Variants in DMD observed in about 807,000 individuals in gnomAD.
DMD encodes dystrophin.
A neutral mutation model predicts 330.1 loss-of-function variants in DMD; 63 were observed. The observed-to-expected ratio is 0.19, with a 90% CI of 0.16 to 0.24. DMD has a LOEUF of 0.24. DMD is among the 10% of genes least tolerant of loss of function. The pLI is 1.00. For synonymous variants in DMD, 1,223 were observed against 959.8 expected (o/e 1.27, Z -5.07); for missense variants, 3,344 against 2,684.1 (o/e 1.25, Z -5.43).
intron 44 of DMD, among the ~76,000 whole-genome samples, chrX:32,105,921 T>G (rs865790942): frequency 8.9e-5 from 10 of 111,908 alleles, no homozygotes; most frequent in Middle Eastern, 4.6e-3. Context: ...AAAGTGAAAG[T>G]TCTGCGGCAA....
intron 2 of DMD, among the ~76,000 whole-genome samples, chrX:33,010,341 T>TATATGTGTATAAATATGTATATATGTAC (rs1286442771): frequency 2.0e-5 from 2 of 99,466 alleles, no homozygotes; most frequent in Non-Finnish European, 4.0e-5. Flanking sequence ...TATATGTACA[T>TATATGTGTATAAATATGTATATATGTAC]ATATATGTGT....
At chrX:31,212,457 G>A (rs189164403) in intron 64 of DMD, among the ~76,000 whole-genome samples, 8,463 of 109,257 alleles carry the variant, frequency 0.077, 300 homozygotes, top group Admixed American at 0.14. Flanking sequence ...TGGCGGTTGG[G>A]GGGCGGCGAG....
At chrX:32,575,331 T>G (rs191522777) in intron 13 of DMD, among the ~76,000 whole-genome samples, 2 of 112,578 alleles carry the variant, frequency 1.8e-5, no homozygotes, top group East Asian at 5.6e-4. Flanking sequence ...AACATAATCA[T>G]GTACTTATAT....
intron 2 of DMD, among the ~76,000 whole-genome samples, chrX:32,873,165 T>C (rs2083128501): frequency 9.0e-6 from 1 of 111,213 alleles, no homozygotes. Flanking sequence ...CACATGGCAT[T>C]TCATCACCGA....
chrX:33,261,841 AAC>A (rs1411047434), intron 1 of DMD, among the ~76,000 whole-genome samples: 1 of 110,488 alleles, frequency 9.1e-6, no homozygotes, highest in African/African-American at 3.3e-5. Context: ...AGATATAATA[AAC>A]ACAATGACAA....
intron 60 of DMD, among the ~76,000 whole-genome samples, chrX:31,394,322 T>TGG (rs949210645): frequency 8.9e-6 from 1 of 112,697 alleles, no homozygotes; most frequent in African/African-American, 3.2e-5. Flanking sequence ...AAACAACTTG[T>TGG]AAAAATATGA....
chrX:31,799,651 C>A (rs1406408861), intron 50 of DMD, among the ~76,000 whole-genome samples: 1 of 111,476 alleles, frequency 9.0e-6, no homozygotes, highest in African/African-American at 3.3e-5. Flanking sequence ...AATGCCTTCC[C>A]AACAGTCACC....
intron 1 of DMD, among the ~76,000 whole-genome samples, chrX:33,089,969 C>G (rs1409777573): frequency 9.0e-6 from 1 of 111,650 alleles, no homozygotes; most frequent in African/African-American, 3.3e-5. Context: ...AGTTCCCTGA[C>G]ATATTTAAGT....
rs149378646 is a variant in DMD at position 31,904,826 on chromosome X, T to C, written c.6912+24770A>G. On this transcript the variant is annotated intron_variant, in intron 47 of 78. Transcript: ENST00000357033. ...TCTATGCCTAGACTTCTGACCCATA[T>C]GTATCCTGATACTCTAAAGATACAG... 8.6e-4 allele frequency among the ~76,000 whole-genome samples: 96 copies of C among 112,021 alleles called. 2 individuals carry two copies. Among genetic ancestry groups the C allele is most frequent in the African/African-American group, 3.0e-3 (92 of 30,951 alleles).
At chrX:32,221,270 T>G (rs960551589) in intron 43 of DMD, among the ~76,000 whole-genome samples, 1 of 110,888 alleles carries the variant, frequency 9.0e-6, no homozygotes, top group African/African-American at 3.3e-5. Flanking sequence ...GATTATTTCA[T>G]CCCATCCCAC....
chrX:32,274,791 A>G (rs747959902), intron 43 of DMD, among the ~76,000 whole-genome samples: 2 of 112,267 alleles, frequency 1.8e-5, no homozygotes, highest in East Asian at 2.8e-4. Flanking sequence ...AAGAGTTTCA[A>G]TAAGTCACAA....
chrX:32,690,328 T>C (rs1001685469), intron 9 of DMD, among the ~76,000 whole-genome samples: 2 of 111,145 alleles, frequency 1.8e-5, no homozygotes, highest in African/African-American at 3.3e-5. Context: ...CTGAAAACTA[T>C]AAAACATTGA....
chrX:32,252,877 A>AATATAT (rs1569553765), intron 43 of DMD, among the ~76,000 whole-genome samples: 1 of 58,831 alleles, frequency 1.7e-5, no homozygotes, highest in African/African-American at 7.4e-5. Flanking sequence ...TAAATATATA[A>AATATAT]AAATATATAT....
chrX:32,455,127 C>A (rs905075094), intron 25 of DMD, among the ~76,000 whole-genome samples: 1 of 110,743 alleles, frequency 9.0e-6, no homozygotes, highest in African/African-American at 3.3e-5. Flanking sequence ...AAAAACAAGG[C>A]TTTTTAAAAT....
intron 2 of DMD, among the ~76,000 whole-genome samples, chrX:32,852,443 G>C (rs1473673913): frequency 9.0e-6 from 1 of 111,091 alleles, no homozygotes; most frequent in East Asian, 2.9e-4. Flanking sequence ...TGCTGTCTTT[G>C]GGTGTGGCCC....
intron 1 of DMD, among the ~76,000 whole-genome samples, chrX:33,145,817 T>C (rs1055181888): frequency 2.7e-5 from 3 of 110,866 alleles, no homozygotes; most frequent in Non-Finnish European, 3.8e-5. Flanking sequence ...TTCACTCTTT[T>C]AAAGTGCACA....
At chrX:32,768,356 C>G (rs1371266066) in intron 7 of DMD, among the ~76,000 whole-genome samples, 2 of 111,589 alleles carry the variant, frequency 1.8e-5, no homozygotes, top group African/African-American at 6.5e-5. Flanking sequence ...AACAAAATTG[C>G]TTTATACCGT....
chrX:31,882,487 T>A lies in DMD; in HGVS notation c.6913-7114A>T, dbSNP rs760538459. On this transcript the variant is annotated intron_variant, in intron 47 of 78. Transcript: ENST00000357033. ...ATCTCAACAATTTTAGGTTAATGTA[T>A]TATTTTTTAAACAAGACATAAAAAG... 9.8e-5 allele frequency among the ~76,000 whole-genome samples: 11 copies of A among 112,128 alleles called. No homozygotes were observed. The East Asian group carries it at 1.7e-3, about 17-fold the overall frequency.
chrX:33,224,094 G>A (rs2052240532), intron 1 of DMD, among the ~76,000 whole-genome samples: 1 of 112,344 alleles, frequency 8.9e-6, no homozygotes, highest in Non-Finnish European at 1.9e-5. Context: ...CAATGCTGGT[G>A]AGGATATGGA....
Sources: gnomAD v4.1 joint callset for allele counts (sites outside exome capture counted in the v4.1 genomes callset) on GRCh38, gnomAD v4.1.1 for gene constraint, MANE v1.5 for transcripts, NCBI Gene and HGNC (gene_info 2026-07-23, HGNC 2026-07-21) for gene names.